The following CRYBB2 variants were observed in gnomAD, a reference collection of about 807,000 sequenced individuals.
CRYBB2 encodes the protein beta-crystallin B2.
CRYBB2 carries 12 observed loss-of-function variants against 24.3 expected under a neutral mutation model. The ratio of observed to expected loss-of-function variants is 0.49; its 90% CI spans 0.32 to 0.80. The LOEUF is 0.80. Ranked by LOEUF, CRYBB2 falls within the 30% of genes least tolerant of loss-of-function variation. The pLI, the probability that CRYBB2 is intolerant of heterozygous loss-of-function variation, is 0.04. For synonymous variants in CRYBB2, 98 were observed against 101.6 expected (o/e 0.96, Z 0.21); for missense variants, 198 against 268.5 (o/e 0.74, Z 1.83).
At chr22:25,224,040 C>G (rs576251999) in intron 2 of CRYBB2, among the ~76,000 whole-genome samples, 1 of 150,624 alleles carries the variant, frequency 6.6e-6, no homozygotes, top group African/African-American at 2.5e-5. Flanking sequence ...AGGAGAATGG[C>G]GTGAACCCAG....
intron 3 of CRYBB2, among the ~76,000 whole-genome samples, chr22:25,226,441 A>G (rs916194924): frequency 6.6e-6 from 1 of 152,172 alleles, no homozygotes; most frequent in Non-Finnish European, 1.5e-5. Context: ...GGAGCCTGGA[A>G]TCTGCATTTA....
At chr22:25,228,770 G>A (rs1935469154) in intron 4 of CRYBB2, among the ~76,000 whole-genome samples, 1 of 152,218 alleles carries the variant, frequency 6.6e-6, no homozygotes, top group South Asian at 2.1e-4. Context: ...TTATGTCTGA[G>A]GGATAAGGGT....
upstream of CRYBB2, among the ~76,000 whole-genome samples, chr22:25,218,779 G>GAAAGAAAGAAAA (rs376967033): frequency 2.9e-5 from 1 of 34,514 alleles, no homozygotes; most frequent in East Asian, 1.0e-3. Flanking sequence ...GAGAGAGAGA[G>GAAAGAAAGAAAA]AAGAAAGAAA....
chr22:25,212,526 G>C (rs1935118492), upstream of CRYBB2, among the ~76,000 whole-genome samples: 1 of 152,152 alleles, frequency 6.6e-6, no homozygotes, highest in African/African-American at 2.4e-5. Flanking sequence ...GGCTCTCTTG[G>C]GAGGACCTTC....
chr22:25,212,147 C>T (rs954705013), upstream of CRYBB2, among the ~76,000 whole-genome samples: 2 of 152,152 alleles, frequency 1.3e-5, no homozygotes, highest in African/African-American at 4.8e-5. Flanking sequence ...CATTTTTTGA[C>T]AAGAAGGAGG....
intron 4 of CRYBB2, among the ~76,000 whole-genome samples, chr22:25,229,015 G>T (rs917186598): frequency 8.9e-5 from 13 of 145,792 alleles, no homozygotes; most frequent in Admixed American, 2.0e-4. Context: ...TGCAAGTGTG[G>T]GTGTGCACGT....
intron 4 of CRYBB2, 55 bp downstream of exon 4, chr22:25,228,040 C>T: frequency 3.1e-6 from 5 of 1,612,508 alleles, no homozygotes; most frequent in Non-Finnish European, 4.2e-6. Flanking sequence ...CCTACTTTCT[C>T]TCTCTGCCAC....
chr22:25,215,036 A>C (rs1935149533), upstream of CRYBB2, among the ~76,000 whole-genome samples: 1 of 152,390 alleles, frequency 6.6e-6, no homozygotes, highest in South Asian at 2.1e-4. Context: ...CATCAAAAGT[A>C]ACGCCAAAAC....
At chr22:25,218,718 G>GGAGAGAGAA (rs1466474591), upstream of CRYBB2, among the ~76,000 whole-genome samples, 11 of 65,452 alleles carry the variant, frequency 1.7e-4, no homozygotes, top group Admixed American at 4.7e-4. Flanking sequence ...GAGAGAGAGA[G>GGAGAGAGAA]AGAGAGAGAG....
Position 25,221,447 on chromosome 22 carries a change from G to T in CRYBB2, c.18G>T (p.Gln6His). Residue 6 changes from glutamine to histidine, a missense_variant, in exon 2 of 6, where the codon CAG (glutamine) becomes CAT (histidine). Transcript: ENST00000398215. ...AGTCCACCATGGCCTCAGATCACCA[G>T]ACCCAGGCGGGCAAGCCACAGTCCC... MASDH[Q>H]TQAGKPQSLN... 1 of 1,613,976 alleles carries T rather than the reference G, an allele frequency of 6.2e-7. No homozygotes were observed. The highest frequency in any genetic ancestry group is 1.3e-5 in the African/African-American group (1 of 75,040).
chr22:25,218,820 A>AAGAAAGAAAG (rs1569016446), upstream of CRYBB2, among the ~76,000 whole-genome samples: 3,021 of 90,356 alleles, frequency 0.033, 91 homozygotes, highest in Middle Eastern at 0.056. Context: ...GAAAGAAAGA[A>AAGAAAGAAAG]AGAAAGAAAG....
At chr22:25,229,083 A>G (rs917154568) in intron 4 of CRYBB2, among the ~76,000 whole-genome samples, 5 of 147,690 alleles carry the variant, frequency 3.4e-5, no homozygotes, top group Non-Finnish European at 6.0e-5. Flanking sequence ...GTGTGCACAC[A>G]TGTGTGGGTG....
intron 2 of CRYBB2, among the ~76,000 whole-genome samples, chr22:25,223,987 G>T (rs1935368111): frequency 6.6e-6 from 1 of 152,080 alleles, no homozygotes; most frequent in Non-Finnish European, 1.5e-5. Context: ...AGCTGGGCGT[G>T]GTGGCAGGCG....
intron 4 of CRYBB2, 79 bp downstream of exon 4, chr22:25,228,064 G>A: frequency 6.2e-7 from 1 of 1,604,486 alleles, no homozygotes; most frequent in Non-Finnish European, 8.5e-7. Flanking sequence ...GGAGCTGGAG[G>A]TCTGGGGACC....
intron 1 of CRYBB2, chr22:25,213,240 TC>T (rs1403601007): frequency 3.9e-5 from 6 of 152,190 alleles, no homozygotes; most frequent in Non-Finnish European, 4.4e-5. Context: ...CTTTTGATGA[TC>T]TCAGAGCCTC....
upstream of CRYBB2, among the ~76,000 whole-genome samples, chr22:25,218,768 AGAGAG>A (rs1935245511): frequency 2.6e-5 from 1 of 39,036 alleles, no homozygotes; most frequent in African/African-American, 1.3e-4. Flanking sequence ...AGAGAGAGAG[AGAGAG>A]AGAGAGAAGA....
At chr22:25,224,875 C>T in intron 2 of CRYBB2, 43 bp from the exon 3 acceptor site, 1 of 1,093,120 alleles carries the variant, frequency 9.1e-7, no homozygotes, top group Non-Finnish European at 1.4e-6. Context: ...GTTCTCACTC[C>T]TCTTCATCGT....
At chr22:25,220,072 C>T (rs994342446) in intron 1 of CRYBB2, among the ~76,000 whole-genome samples, 2 of 152,118 alleles carry the variant, frequency 1.3e-5, no homozygotes, top group African/African-American at 2.4e-5. Flanking sequence ...AGGGGGCACC[C>T]ACTCTGTGCC....
At chr22:25,220,055 T>C (rs576889244) in intron 1 of CRYBB2, among the ~76,000 whole-genome samples, 1 of 152,218 alleles carries the variant, frequency 6.6e-6, no homozygotes, top group African/African-American at 2.4e-5. Context: ...CCTCCACATC[T>C]GCAATTAGGG....
Sources: gnomAD v4.1 joint callset for allele counts (sites outside exome capture counted in the v4.1 genomes callset) on GRCh38, gnomAD v4.1.1 for gene constraint, MANE v1.5 for transcripts, NCBI Gene and HGNC (gene_info 2026-07-23, HGNC 2026-07-21) for gene names.